Variants in CHID1 observed in about 807,000 individuals in gnomAD.
CHID1 encodes chitinase domain-containing protein 1.
In CHID1, 44 loss-of-function variants were observed where a neutral mutation model predicts 55.4. The ratio of observed to expected loss-of-function variants is 0.79; its 90% confidence interval spans 0.62 to 1.02. The LOEUF (loss-of-function observed/expected upper bound fraction) is 1.02. Ranked by LOEUF, CHID1 falls within the 50% of genes least tolerant of loss-of-function variation. The pLI, the probability that CHID1 is intolerant of heterozygous loss-of-function variation, is 0.00. For missense variants in CHID1, 491 were observed against 515.3 expected (o/e 0.95, Z 0.46); for synonymous variants, 216 against 212.9 (o/e 1.01, Z -0.13).
chr11:878,243 G>C (rs1849650255), intron 10 of CHID1, among the ~76,000 whole-genome samples: 1 of 152,280 alleles, frequency 6.6e-6, no homozygotes, highest in South Asian at 2.1e-4. Context: ...GCAAAACCCT[G>C]TCTCTACTAA....
At chr11:911,752 G>C (rs960517848), upstream of CHID1, among the ~76,000 whole-genome samples, 1 of 152,166 alleles carries the variant, frequency 6.6e-6, no homozygotes, top group Non-Finnish European at 1.5e-5. Flanking sequence ...GGCTGCATGC[G>C]GTGCGAGGCA....
chr11:892,036 G>A (rs1300892433), intron 8 of CHID1, among the ~76,000 whole-genome samples: 2 of 151,842 alleles, frequency 1.3e-5, no homozygotes, highest in African/African-American at 4.8e-5. Context: ...GATCACTTGA[G>A]CCTGGGAGGC....
intron 10 of CHID1, among the ~76,000 whole-genome samples, chr11:874,254 G>A (rs1290347252): frequency 3.3e-5 from 5 of 152,212 alleles, no homozygotes; most frequent in African/African-American, 1.2e-4. Context: ...CTGAGGTCAG[G>A]AGTTCGAGAC....
At chr11:899,680 G>A (rs1225217604) in intron 6 of CHID1, among the ~76,000 whole-genome samples, 3 of 152,216 alleles carry the variant, frequency 2.0e-5, no homozygotes, top group African/African-American at 4.8e-5. Context: ...TCCCTGACCC[G>A]AGGCCCAGGC....
At chr11:879,454 G>A (rs1849736549) in intron 10 of CHID1, among the ~76,000 whole-genome samples, 1 of 152,262 alleles carries the variant, frequency 6.6e-6, no homozygotes, top group Admixed American at 6.5e-5. Context: ...TATAAGAAGA[G>A]GAGAAGAGGA....
intron 2 of CHID1, 98 bp from the exon 3 acceptor site, chr11:903,209 G>A (rs181605480): frequency 4.8e-6 from 6 of 1,249,834 alleles, no homozygotes; most frequent in African/African-American, 2.9e-5. Context: ...GCCAGCAGCC[G>A]AGTCTCTGGA....
rs1384576622 is a variant in CHID1 at position 903,123 on chromosome 11, GGAGT to G, written c.112-16_112-13del. On this transcript the variant is annotated splice_polypyrimidine_tract_variant and intron_variant, in intron 2 of 12. Coordinates refer to ENST00000323578, the MANE Select transcript of CHID1 (RefSeq NM_023947.4). ...TCTGAAAACTGACTCTGAAATAAAA[GGAGT>G]GAGAGAAAAGCCTCAGTCATCTGTC... is the stretch of plus-strand genomic sequence containing the variant. The G allele has an allele frequency of 2.5e-6, 4 of 1,605,596 alleles. No homozygotes were observed. The highest frequency in any genetic ancestry group is 2.2e-5 in the East Asian group (1 of 44,880).
At chr11:901,066 C>T (rs942424227) in intron 4 of CHID1, 86 bp from the exon 5 acceptor site, 14 of 1,252,790 alleles carry the variant, frequency 1.1e-5, no homozygotes, top group African/African-American at 1.1e-4. Context: ...ACGTGGCAGC[C>T]GCACAATACG....
At chr11:913,089 A>T (rs1296552284), upstream of CHID1, among the ~76,000 whole-genome samples, 20 of 152,008 alleles carry the variant, frequency 1.3e-4, no homozygotes. Flanking sequence ...AGCCAGGTGC[A>T]GTGGCTGACC....
intron 8 of CHID1, among the ~76,000 whole-genome samples, chr11:888,397 C>A (rs1418165470): frequency 6.6e-6 from 1 of 152,216 alleles, no homozygotes; most frequent in Non-Finnish European, 1.5e-5. Context: ...AGAAACACTG[C>A]AAAAGGGCCA....
intron 8 of CHID1, among the ~76,000 whole-genome samples, chr11:888,518 C>T (rs915191007): frequency 7.9e-5 from 12 of 152,228 alleles, no homozygotes; most frequent in Admixed American, 5.9e-4. Context: ...GGGATCACCA[C>T]GGCTGAGCAA....
At chr11:901,087 G>C in intron 4 of CHID1, 107 bp from the exon 5 acceptor site, 1 of 964,290 alleles carries the variant, frequency 1.0e-6, no homozygotes, top group East Asian at 3.0e-5. Context: ...CAATGGGAAG[G>C]GCAGGGGCGG....
At chr11:884,611 C>T (rs1320440872) in intron 8 of CHID1, among the ~76,000 whole-genome samples, 1 of 152,198 alleles carries the variant, frequency 6.6e-6, no homozygotes, top group Admixed American at 6.5e-5. Flanking sequence ...TCCTGGGATG[C>T]AGCCCTCAAG....
chr11:895,505 A>AC, intron 7 of CHID1, among the ~76,000 whole-genome samples: 2 of 151,954 alleles, frequency 1.3e-5, no homozygotes, highest in Non-Finnish European at 2.9e-5. Context: ...CTCACGACAG[A>AC]CCCCCTCATA....
chr11:900,823 G>A (rs113913472), intron 5 of CHID1, 113 bp downstream of exon 5: 6 of 864,086 alleles, frequency 6.9e-6, no homozygotes, highest in African/African-American at 3.5e-5. Context: ...AAAGTAACCT[G>A]TGCCGCAGCA....
intron 10 of CHID1, chr11:882,291 C>G (rs950070296): frequency 2.6e-5 from 4 of 152,270 alleles, no homozygotes; most frequent in Admixed American, 2.0e-4. Context: ...CGCCACTGCA[C>G]TCCAGCCTGG....
In CHID1 at chr11:880,669, G is replaced by A. The variant is rs1275292046; in HGVS notation, c.959+2479C>T. Among the ~76,000 whole-genome samples, 9 of 152,200 alleles carry A rather than the reference G, an allele frequency of 5.9e-5. No individual in the cohort carries two copies. In the East Asian group the frequency reaches 1.4e-3, roughly 23 times the overall value. On this transcript the variant is annotated intron_variant, in intron 10 of 12. Transcript: ENST00000323578. ...GTTACCTCTGCCCCTCCCCACGGCCGACCAGGAGGAATCAGGGGTGATGGC... is the reference window on the plus strand; with the variant it reads ...GTTACCTCTGCCCCTCCCCACGGCCAACCAGGAGGAATCAGGGGTGATGGC...
Position 870,137 on chromosome 11 carries a change from A to G in CHID1, c.1067T>C (p.Phe356Ser). The change falls in exon 12 of 13, where the codon TTC (phenylalanine) becomes TCC (serine). Residue 356 changes from phenylalanine to serine, a missense_variant. By Grantham distance (155) the Phe-to-Ser change is radical. Transcript: ENST00000323578. ...KKSRSGRHVV[F>S]YPTLKSLQVR... is the part of the protein sequence containing the mutation. Reference sequence around the variant, plus strand: ...CACACGCACCTTCAGGGTTGGGTAGAAGACGACGTGCCTCCCACTGCGGCT... The same window carrying G: ...CACACGCACCTTCAGGGTTGGGTAGGAGACGACGTGCCTCCCACTGCGGCT... The G allele has an allele frequency of 6.2e-7, 1 of 1,613,040 alleles. No homozygotes were observed. The highest frequency in any genetic ancestry group is 8.5e-7 in the Non-Finnish European group (1 of 1,179,970).
chr11:910,898 C>T (rs1440589762), upstream of CHID1: 8 of 1,012,418 alleles, frequency 7.9e-6, no homozygotes, highest in Non-Finnish European at 8.5e-6. Context: ...TGGAGAGGGG[C>T]TGGGCCAGGA....
Sources: gnomAD v4.1 joint callset for allele counts (sites outside exome capture counted in the v4.1 genomes callset) on GRCh38, gnomAD v4.1.1 for gene constraint, MANE v1.5 for transcripts, NCBI Gene and HGNC (gene_info 2026-07-23, HGNC 2026-07-21) for gene names.